The following XKR4 variants were observed in gnomAD, a reference collection of about 807,000 sequenced individuals.
XKR4 encodes the protein XK-related protein 4.
Under a neutral mutation model 53.9 loss-of-function variants are expected in XKR4, and 12 were observed. That is an observed-to-expected ratio of 0.22 (90% CI 0.14 to 0.36). The LOEUF (loss-of-function observed/expected upper bound fraction) is 0.36, where lower values mean the gene tolerates loss of function less well. XKR4 is among the 10% of genes least tolerant of loss of function. The pLI is 1.00. For synonymous variants in XKR4, 354 were observed against 362.4 expected, an observed-to-expected ratio of 0.98 and a Z score of 0.26; for missense variants, 799 against 859.5, an observed-to-expected ratio of 0.93 and a Z score of 0.88.
intron 2 of XKR4, among the ~76,000 whole-genome samples, chr8:55,514,504 G>T (rs930218043): frequency 2.0e-5 from 3 of 151,984 alleles, no homozygotes; most frequent in Non-Finnish European, 2.9e-5. Flanking sequence ...TGATCCGCCC[G>T]CCTCGGCCTC....
chr8:55,335,545 A>G (rs1304271832), intron 1 of XKR4, among the ~76,000 whole-genome samples: 1 of 152,228 alleles, frequency 6.6e-6, no homozygotes, highest in African/African-American at 2.4e-5. Context: ...GCATGCAATT[A>G]TCATGTAAAG....
chr8:55,465,313 A>C (rs188004200), intron 2 of XKR4, among the ~76,000 whole-genome samples: 1 of 152,226 alleles, frequency 6.6e-6, no homozygotes, highest in Admixed American at 6.5e-5. Context: ...AACATAACAG[A>C]GTCCCAGAAA....
At chr8:55,149,559 T>G (rs550616906) in intron 1 of XKR4, among the ~76,000 whole-genome samples, 1 of 152,320 alleles carries the variant, frequency 6.6e-6, no homozygotes, top group South Asian at 2.1e-4. Context: ...TCAGAGTTTC[T>G]TGGCAGCACG....
intron 1 of XKR4, among the ~76,000 whole-genome samples, chr8:55,149,095 A>G (rs1043685114): frequency 2.6e-5 from 4 of 152,154 alleles, no homozygotes; most frequent in Admixed American, 6.5e-5. Flanking sequence ...CCTAGAAACA[A>G]GTTTGTAATG....
intron 1 of XKR4, among the ~76,000 whole-genome samples, chr8:55,291,492 C>T (rs1441715940): frequency 1.5e-4 from 23 of 152,252 alleles, no homozygotes; most frequent in South Asian, 4.1e-4. Flanking sequence ...CCCAATCCAC[C>T]AATGTGGTAT....
In XKR4 at chr8:55,139,334, G is replaced by C. The variant is rs1585899071; in HGVS notation, c.806+36040G>C. On this transcript the variant is annotated intron_variant, in intron 1 of 2. Coordinates refer to ENST00000327381, the MANE Select transcript of XKR4 (RefSeq NM_052898.2). ...GTGGATCATGAGGTCAGGAGTTCAAGACCAGCCTGGCCAACATGGTAAAAC... is the reference window on the plus strand; with the variant it reads ...GTGGATCATGAGGTCAGGAGTTCAACACCAGCCTGGCCAACATGGTAAAAC... Among the ~76,000 whole-genome samples, 3 of 152,236 alleles carry C rather than the reference G, an allele frequency of 2.0e-5. No homozygotes were observed. In the South Asian group the frequency reaches 6.2e-4, roughly 32 times the overall value.
At chr8:55,490,061 C>A (rs1043130568) in intron 2 of XKR4, among the ~76,000 whole-genome samples, 3 of 152,020 alleles carry the variant, frequency 2.0e-5, no homozygotes, top group Non-Finnish European at 2.9e-5. Flanking sequence ...TTATATTTAC[C>A]TAATCTTTAC....
intron 1 of XKR4, among the ~76,000 whole-genome samples, chr8:55,186,730 T>TTTA (rs1437532101): frequency 2.0e-5 from 3 of 152,198 alleles, no homozygotes; most frequent in African/African-American, 7.2e-5. Context: ...CTGTGTATTC[T>TTTA]TTTATATAGA....
intron 2 of XKR4, among the ~76,000 whole-genome samples, chr8:55,428,444 C>T (rs1172223867): frequency 6.6e-5 from 10 of 152,202 alleles, no homozygotes; most frequent in Non-Finnish European, 1.5e-5. Context: ...TGCCACTCTA[C>T]TCCAGCCAAA....
chr8:55,104,089 C>A (rs1002649731), intron 1 of XKR4, among the ~76,000 whole-genome samples: 7 of 151,846 alleles, frequency 4.6e-5, no homozygotes, highest in Non-Finnish European at 8.8e-5. Flanking sequence ...TCTGATCTAC[C>A]AAGTCTTTTT....
chr8:55,217,167 G>T (rs543391190), intron 1 of XKR4, among the ~76,000 whole-genome samples: 9 of 148,562 alleles, frequency 6.1e-5, no homozygotes, highest in Admixed American at 1.4e-4. Context: ...GCATGAACCC[G>T]GGAGGCAGAG....
intron 2 of XKR4, among the ~76,000 whole-genome samples, chr8:55,424,467 A>G (rs1804982460): frequency 6.6e-6 from 1 of 152,242 alleles, no homozygotes; most frequent in Non-Finnish European, 1.5e-5. Flanking sequence ...AGAAGCACAG[A>G]GAATTTAAGA....
rs2129407332 is a variant in XKR4 at position 55,536,752 on chromosome 8, AAAGAG to A, written c.*12526_*12530del. 6.6e-6 allele frequency: 1 copy of A among 152,376 alleles called. No homozygotes were observed. The highest frequency in any genetic ancestry group is 2.1e-4 in the South Asian group (1 of 4,832). 9.4% of individuals were successfully genotyped at this position (152,376 alleles called of 1,614,324 possible). A position where few individuals can be genotyped will look rare whatever the true frequency, so the allele number is the denominator to read the frequency against. On this transcript the variant is annotated 3_prime_UTR_variant, in exon 3 of 3. Coordinates refer to ENST00000327381, the MANE Select transcript of XKR4 (RefSeq NM_052898.2). Reference sequence around the variant, plus strand: ...TTTACTTTCAGCAAACACATGAATGAAAGAGGTCAGGTAGGCTGTCCTGGGCATTC... The same window carrying A: ...TTTACTTTCAGCAAACACATGAATGAGTCAGGTAGGCTGTCCTGGGCATTC...
At chr8:55,454,482 C>A (rs1260930941) in intron 2 of XKR4, 12 of 1,203,508 alleles carry the variant, frequency 1.0e-5, no homozygotes, top group Non-Finnish European at 1.4e-5. Flanking sequence ...ATGAGGGTGG[C>A]ACAGACCAAA....
chr8:55,501,513 T>C (rs1799122927), intron 2 of XKR4, among the ~76,000 whole-genome samples: 1 of 152,160 alleles, frequency 6.6e-6, no homozygotes, highest in African/African-American at 2.4e-5. Context: ...TCTCTATGAA[T>C]ATGACTACTC....
At chr8:55,488,600 G>A (rs1056608625) in intron 2 of XKR4, among the ~76,000 whole-genome samples, 1 of 152,076 alleles carries the variant, frequency 6.6e-6, no homozygotes, top group Admixed American at 6.6e-5. Flanking sequence ...TTCATATTGC[G>A]GAATTTCAAC....
At chr8:55,323,152 G>A in intron 1 of XKR4, among the ~76,000 whole-genome samples, 1 of 152,152 alleles carries the variant, frequency 6.6e-6, no homozygotes, top group East Asian at 1.9e-4. Context: ...TTATTGAGAT[G>A]AGTATATAAT....
At chr8:55,227,160 T>A (rs919154966) in intron 1 of XKR4, among the ~76,000 whole-genome samples, 1 of 152,188 alleles carries the variant, frequency 6.6e-6, no homozygotes, top group Non-Finnish European at 1.5e-5. Context: ...GGCTGTTGGT[T>A]TTCTCATCTG....
chr8:55,114,983 T>C (rs576810861), intron 1 of XKR4, among the ~76,000 whole-genome samples: 8 of 152,140 alleles, frequency 5.3e-5, no homozygotes, highest in African/African-American at 1.9e-4. Flanking sequence ...CTAAATCTCT[T>C]TGTGATGATG....
Sources: gnomAD v4.1 joint callset for allele counts (sites outside exome capture counted in the v4.1 genomes callset) on GRCh38, gnomAD v4.1.1 for gene constraint, MANE v1.5 for transcripts, NCBI Gene and HGNC (gene_info 2026-07-23, HGNC 2026-07-21) for gene names.